SPATA17: variants seen among roughly 807,000 people sequenced by gnomAD.
The protein encoded by SPATA17 is spermatogenesis associated 17.
In SPATA17, 53 loss-of-function variants were observed where a neutral mutation model predicts 62.2. The observed-to-expected ratio is 0.85, with a 90% confidence interval of 0.68 to 1.07. The LOEUF is 1.07. Among genes scored for constraint, SPATA17 ranks in the 50% least tolerant of loss-of-function variants. SPATA17 has a pLI of 0.00. For synonymous variants in SPATA17, 146 were observed against 146.8 expected (o/e 0.99, Z 0.04); for missense variants, 466 against 425.5 (o/e 1.10, Z -0.84).
intron 3 of SPATA17, among the ~76,000 whole-genome samples, chr1:217,668,256 TAAA>T (rs758004676): frequency 2.0e-5 from 3 of 152,194 alleles, no homozygotes; most frequent in Admixed American, 6.5e-5. Context: ...TATTTTTAAT[TAAA>T]AGAGCAGATG....
chr1:217,692,672 A>G (rs1381886188), intron 5 of SPATA17, among the ~76,000 whole-genome samples: 7 of 116,088 alleles, frequency 6.0e-5, no homozygotes, highest in African/African-American at 2.3e-4. Context: ...TCCCATCAAT[A>G]CCTAATTTCT....
At chr1:217,758,288 G>T (rs554527279) in intron 6 of SPATA17, among the ~76,000 whole-genome samples, 3 of 152,254 alleles carry the variant, frequency 2.0e-5, no homozygotes, top group East Asian at 3.9e-4. Flanking sequence ...TGATGGTCTA[G>T]AACAGAGCCA....
In SPATA17 at chr1:217,856,079, C is replaced by T. The variant is rs576986323; in HGVS notation, c.1006-6695C>T. The stretch of plus-strand genomic sequence containing the variant: ...CAGTATATAAAAACAGGAAAAGAAT[C>T]AGTAGAAACTCGAGGATAAGTTTAC... On this transcript the variant is annotated intron_variant, in intron 9 of 10. Coordinates refer to ENST00000366933, the MANE Select transcript of SPATA17 (RefSeq NM_138796.4). Among the ~76,000 whole-genome samples, 7 of 152,126 alleles carry T rather than the reference C, an allele frequency of 4.6e-5. No homozygotes were observed. The South Asian group carries it at 1.5e-3, about 32-fold the overall frequency.
chr1:217,735,495 A>G (rs1672492179), intron 5 of SPATA17, among the ~76,000 whole-genome samples: 2 of 152,204 alleles, frequency 1.3e-5, no homozygotes, highest in Admixed American at 6.5e-5. Flanking sequence ...AGGCTTCAAC[A>G]TGTGAATTTG....
chr1:217,768,489 A>G (rs1481968473), intron 6 of SPATA17, among the ~76,000 whole-genome samples: 1 of 145,954 alleles, frequency 6.9e-6, no homozygotes, highest in African/African-American at 2.5e-5. Context: ...GCAAAGCTCT[A>G]CCCATCTTTT....
At chr1:217,658,614 A>T (rs935843613) in intron 3 of SPATA17, among the ~76,000 whole-genome samples, 1 of 151,912 alleles carries the variant, frequency 6.6e-6, no homozygotes, top group Admixed American at 6.6e-5. Flanking sequence ...AAAAATTAGC[A>T]GGGCGTGGTG....
chr1:217,856,270 A>G lies in SPATA17; in HGVS notation c.1006-6504A>G, dbSNP rs142624604. Among the ~76,000 whole-genome samples, 174 of 152,334 alleles carry G rather than the reference A, an allele frequency of 1.1e-3. No individual in the cohort carries two copies. The Middle Eastern group carries it at 0.031, about 27-fold the overall frequency. ...AGCTAACACTTGTTAAGTACTTGCTATGTGCTGGACACTGTTTTAATTGCT... is the reference window on the plus strand; with the variant it reads ...AGCTAACACTTGTTAAGTACTTGCTGTGTGCTGGACACTGTTTTAATTGCT... On this transcript the variant is annotated intron_variant, in intron 9 of 10. Coordinates refer to ENST00000366933, the MANE Select transcript of SPATA17 (RefSeq NM_138796.4).
At chr1:217,720,201 T>G (rs1002371652) in intron 5 of SPATA17, among the ~76,000 whole-genome samples, 3 of 152,162 alleles carry the variant, frequency 2.0e-5, no homozygotes, top group Non-Finnish European at 4.4e-5. Context: ...CAGATCCAGG[T>G]CCAGTTTTAC....
chr1:217,704,671 G>A (rs531540545), intron 5 of SPATA17, among the ~76,000 whole-genome samples: 11 of 151,948 alleles, frequency 7.2e-5, no homozygotes, highest in South Asian at 2.1e-4. Flanking sequence ...CTGTTCCTGC[G>A]TTAGTTCTCT....
chr1:217,830,175 T>G (rs1355209049), intron 9 of SPATA17, among the ~76,000 whole-genome samples: 1 of 152,148 alleles, frequency 6.6e-6, no homozygotes, highest in African/African-American at 2.4e-5. Flanking sequence ...TCATCTCATA[T>G]CATTTTGTAT....
At chr1:217,748,386 CTT>C (rs1309430051) in intron 6 of SPATA17, among the ~76,000 whole-genome samples, 1 of 151,130 alleles carries the variant, frequency 6.6e-6, no homozygotes, top group South Asian at 2.1e-4. Context: ...TAAGACAAAT[CTT>C]TTTTAAAAAA....
At chr1:217,654,321 G>C (rs1239858286) in intron 3 of SPATA17, among the ~76,000 whole-genome samples, 1 of 151,306 alleles carries the variant, frequency 6.6e-6, no homozygotes, top group African/African-American at 2.4e-5. Context: ...TGTGTTTTTG[G>C]TATAGACAGG....
chr1:217,809,039 A>C (rs1016552145), intron 9 of SPATA17, among the ~76,000 whole-genome samples: 1 of 152,102 alleles, frequency 6.6e-6, no homozygotes, highest in Non-Finnish European at 1.5e-5. Flanking sequence ...TTACAGATGG[A>C]TCTTCCTTAC....
chr1:217,682,979 T>C (rs934105315), intron 4 of SPATA17, among the ~76,000 whole-genome samples: 1 of 151,972 alleles, frequency 6.6e-6, no homozygotes, highest in East Asian at 1.9e-4. Flanking sequence ...TAAAGCAAAT[T>C]TTTATAAATC....
intron 2 of SPATA17, among the ~76,000 whole-genome samples, chr1:217,649,214 C>T (rs981997166): frequency 2.0e-5 from 3 of 152,122 alleles, no homozygotes; most frequent in Non-Finnish European, 4.4e-5. Flanking sequence ...CGCAGTGGCT[C>T]ACTCCTGTAA....
chr1:217,753,179 T>C (rs954662998), intron 6 of SPATA17, among the ~76,000 whole-genome samples: 4 of 152,168 alleles, frequency 2.6e-5, no homozygotes, highest in African/African-American at 9.7e-5. Context: ...GGTCCTACCC[T>C]GTGCCTTGGA....
In SPATA17 at chr1:217,862,805, T is replaced by G; in HGVS notation, c.1037T>G (p.Leu346Arg). Residue 346 changes from leucine (L) to arginine (R), a missense_variant, in exon 10 of 11, where the codon CTC (leucine) becomes CGC (arginine). Coordinates refer to ENST00000366933, the MANE Select transcript of SPATA17 (RefSeq NM_138796.4). ...DFQTVLPSFE[L>R]FSKYGKLYSK... Reference sequence around the variant, plus strand: ...CAGACTGTATTACCATCATTTGAGCTCTTCTCAAAGTATGGAAAATTATAT... The same window carrying G: ...CAGACTGTATTACCATCATTTGAGCGCTTCTCAAAGTATGGAAAATTATAT... 1 of 1,610,810 alleles carries G rather than the reference T, an allele frequency of 6.2e-7. No homozygotes were observed. Among genetic ancestry groups the G allele is most frequent in the Non-Finnish European group, 8.5e-7 (1 of 1,178,196 alleles).
intron 5 of SPATA17, among the ~76,000 whole-genome samples, chr1:217,733,149 T>C (rs1672435554): frequency 6.6e-6 from 1 of 152,226 alleles, no homozygotes; most frequent in African/African-American, 2.4e-5. Context: ...CATGGTATTG[T>C]AATTTTATAA....
chr1:217,766,449 G>A (rs1053406100), intron 6 of SPATA17, among the ~76,000 whole-genome samples: 7 of 151,676 alleles, frequency 4.6e-5, no homozygotes, highest in Admixed American at 1.3e-4. Context: ...TTCATAGGTA[G>A]TACAAGTACC....
Sources: gnomAD v4.1 joint callset for allele counts (sites outside exome capture counted in the v4.1 genomes callset) on GRCh38, gnomAD v4.1.1 for gene constraint, MANE v1.5 for transcripts, NCBI Gene and HGNC (gene_info 2026-07-23, HGNC 2026-07-21) for gene names.